GTF2F2: variants seen among roughly 807,000 people sequenced by gnomAD.
GTF2F2 encodes the protein general transcription factor IIF subunit 2, also known as ATP-dependent helicase GTF2F2.
GTF2F2 carries 23 observed loss-of-function variants against 42.2 expected under a neutral mutation model. That is an observed-to-expected ratio of 0.55 (90% CI 0.39 to 0.77). The LOEUF is 0.77. Among genes scored for constraint, GTF2F2 ranks in the 30% least tolerant of loss-of-function variants. The pLI, the probability that GTF2F2 is intolerant of heterozygous loss-of-function variation, is 0.00. For missense variants in GTF2F2, 261 were observed against 287.2 expected (o/e 0.91, Z 0.66); for synonymous variants, 105 against 100.8 (o/e 1.04, Z -0.25).
At chr13:45,237,619 G>A (rs1048618982) in intron 5 of GTF2F2, among the ~76,000 whole-genome samples, 1 of 152,184 alleles carries the variant, frequency 6.6e-6, no homozygotes, top group Non-Finnish European at 1.5e-5. Flanking sequence ...GACTAAAGAA[G>A]TTGAATAACT....
intron 7 of GTF2F2, among the ~76,000 whole-genome samples, chr13:45,270,188 CT>C: frequency 6.6e-6 from 1 of 152,088 alleles, no homozygotes; most frequent in South Asian, 2.1e-4. Flanking sequence ...TAGGGCCCGT[CT>C]TTTTCTCTTG....
At chr13:45,218,885 T>A (rs1873994955) in intron 5 of GTF2F2, among the ~76,000 whole-genome samples, 1 of 152,180 alleles carries the variant, frequency 6.6e-6, no homozygotes, top group Non-Finnish European at 1.5e-5. Context: ...AACACCTGAC[T>A]CCTAAGTGTG....
intron 4 of GTF2F2, among the ~76,000 whole-genome samples, chr13:45,191,253 A>ATG (rs1872638599): frequency 1.4e-5 from 2 of 138,574 alleles, no homozygotes; most frequent in Admixed American, 7.1e-5. Flanking sequence ...ATATATATAT[A>ATG]TAGCCATAAT....
intron 1 of GTF2F2, among the ~76,000 whole-genome samples, chr13:45,128,097 A>G (rs1869139292): frequency 6.8e-6 from 1 of 147,814 alleles, no homozygotes; most frequent in African/African-American, 2.5e-5. Context: ...AGTAGCTGAG[A>G]CTACAGGTGC....
At chr13:45,260,077 A>T (rs1026308766) in intron 6 of GTF2F2, among the ~76,000 whole-genome samples, 4 of 152,264 alleles carry the variant, frequency 2.6e-5, no homozygotes, top group African/African-American at 9.6e-5. Flanking sequence ...AGAAAAGCTT[A>T]CTTAGTAAAC....
chr13:45,259,516 C>A (rs1593522897), intron 6 of GTF2F2, among the ~76,000 whole-genome samples: 1 of 152,168 alleles, frequency 6.6e-6, no homozygotes, highest in East Asian at 1.9e-4. Context: ...TTTTAAGCTT[C>A]TTGGGTAATT....
chr13:45,172,660 T>A (rs1179105854), intron 4 of GTF2F2, among the ~76,000 whole-genome samples: 2 of 152,220 alleles, frequency 1.3e-5, no homozygotes, highest in African/African-American at 2.4e-5. Context: ...CTTTAATTCT[T>A]TTCCATGCAG....
intron 4 of GTF2F2, among the ~76,000 whole-genome samples, chr13:45,202,924 G>A (rs2138184963): frequency 6.6e-6 from 1 of 152,302 alleles, no homozygotes; most frequent in South Asian, 2.1e-4. Flanking sequence ...CTGTACTCCA[G>A]CTACTCCAGC....
intron 7 of GTF2F2, among the ~76,000 whole-genome samples, chr13:45,279,937 C>A (rs1877193839): frequency 6.9e-6 from 1 of 145,578 alleles, no homozygotes; most frequent in South Asian, 2.3e-4. Flanking sequence ...AAAAAAGGAG[C>A]ATGTGATTTA....
At chr13:45,135,059 T>C (rs1869546359) in intron 1 of GTF2F2, among the ~76,000 whole-genome samples, 1 of 151,854 alleles carries the variant, frequency 6.6e-6, no homozygotes, top group African/African-American at 2.4e-5. Context: ...GTTCAAGCAA[T>C]TCTCGTGCCT....
intron 2 of GTF2F2, among the ~76,000 whole-genome samples, chr13:45,145,917 G>A (rs764838428): frequency 2.6e-5 from 4 of 152,258 alleles, no homozygotes; most frequent in Middle Eastern, 3.4e-3. Context: ...ACCCCACTAA[G>A]GGTCCAGCAT....
intron 7 of GTF2F2, among the ~76,000 whole-genome samples, chr13:45,274,881 C>T (rs1019494183): frequency 1.3e-5 from 2 of 151,900 alleles, no homozygotes; most frequent in African/African-American, 4.8e-5. Context: ...CACTGTACCC[C>T]AGCCTGAATG....
chr13:45,225,961 A>G (rs1343766663), intron 5 of GTF2F2, among the ~76,000 whole-genome samples: 1 of 152,174 alleles, frequency 6.6e-6, no homozygotes, highest in East Asian at 1.9e-4. Context: ...CTCAACAAGT[A>G]TGAAAGAATT....
chr13:45,172,970 A>G (rs561401024), intron 4 of GTF2F2, among the ~76,000 whole-genome samples: 50 of 152,232 alleles, frequency 3.3e-4, no homozygotes, highest in Admixed American at 8.5e-4. Context: ...TTTTAAGATC[A>G]GTTCCTTAAT....
At chr13:45,199,457 G>T (rs1336423624) in intron 4 of GTF2F2, among the ~76,000 whole-genome samples, 1 of 152,074 alleles carries the variant, frequency 6.6e-6, no homozygotes, top group Non-Finnish European at 1.5e-5. Flanking sequence ...GAGTATTTCA[G>T]GGAAACCTGT....
chr13:45,153,846 A>G (rs1221529523), intron 4 of GTF2F2, among the ~76,000 whole-genome samples: 1 of 151,844 alleles, frequency 6.6e-6, no homozygotes, highest in Non-Finnish European at 1.5e-5. Context: ...GCGTGGTGGC[A>G]GGTGCCTGTA....
chr13:45,252,050 C>G (rs1875899599), intron 5 of GTF2F2, among the ~76,000 whole-genome samples: 1 of 152,102 alleles, frequency 6.6e-6, no homozygotes, highest in African/African-American at 2.4e-5. Context: ...ACAAAATATC[C>G]TAAGATAGCT....
intron 4 of GTF2F2, among the ~76,000 whole-genome samples, chr13:45,177,378 CA>C (rs1292975797): frequency 1.3e-5 from 2 of 152,018 alleles, no homozygotes; most frequent in East Asian, 1.9e-4. Flanking sequence ...CACTGAGGTC[CA>C]AAAAATATTA....
intron 4 of GTF2F2, among the ~76,000 whole-genome samples, chr13:45,165,875 G>A (rs532036508): frequency 4.4e-5 from 6 of 137,824 alleles, no homozygotes; most frequent in Non-Finnish European, 9.1e-5. Context: ...GTGCAGTGGT[G>A]TGATCTCGGC....
Sources: allele counts gnomAD v4.1 joint callset (sites outside exome capture counted in the v4.1 genomes callset), GRCh38; gene constraint gnomAD v4.1.1; transcripts MANE v1.5; gene names NCBI Gene and HGNC (gene_info 2026-07-23, HGNC 2026-07-21).